SETD2: variants seen among roughly 807,000 people sequenced by gnomAD.
The protein encoded by SETD2 is histone-lysine N-methyltransferase SETD2.
In SETD2, 31 loss-of-function variants were observed where a neutral mutation model predicts 242.1. The ratio of observed to expected loss-of-function variants is 0.13; its 90% CI spans 0.10 to 0.17. SETD2 has a LOEUF of 0.17. Ranked by LOEUF, SETD2 falls within the 10% of genes least tolerant of loss-of-function variation. The pLI is 1.00. For synonymous variants in SETD2, 1,006 were observed against 1,066.5 expected (o/e 0.94, Z 1.11); for missense variants, 2,481 against 3,046.3 (o/e 0.81, Z 4.37).
intron 13 of SETD2, among the ~76,000 whole-genome samples, chr3:47,065,635 A>AAAAT (rs1214284429): frequency 2.6e-4 from 39 of 152,160 alleles, no homozygotes; most frequent in East Asian, 7.7e-4. Context: ...GTCTCTACAA[A>AAAAT]AAATAAATAA....
rs1234726555 is a variant in SETD2 at position 47,122,586 on chromosome 3, C to T, written c.2050G>A (p.Ala684Thr). The T allele has an allele frequency of 6.2e-7, 1 of 1,613,926 alleles. No homozygotes were observed. The highest frequency in any genetic ancestry group is 8.5e-7 in the Non-Finnish European group (1 of 1,179,998). Reference sequence around the variant, plus strand: ...TCAGTTTTAGAAGTGCAAAATGTTGCCAAATCAGATTCTGCCCCAGGAGAT... The same window carrying T: ...TCAGTTTTAGAAGTGCAAAATGTTGTCAAATCAGATTCTGCCCCAGGAGAT... The part of the protein sequence containing the change: ...NGSPGAESDL[A>T]TFCTSKTDAV... The change falls in exon 3 of 21, where the codon GCA (alanine) becomes ACA (threonine). Residue 684 changes from alanine to threonine, a missense_variant. This residue lies in a region of SETD2 where 1,300 missense variants were observed against 1,259.2 expected (regional missense o/e 1.03). Coordinates refer to ENST00000409792, the MANE Select transcript of SETD2 (RefSeq NM_014159.7).
intron 12 of SETD2, among the ~76,000 whole-genome samples, chr3:47,068,575 C>A (rs1364798738): frequency 1.4e-5 from 2 of 147,598 alleles, no homozygotes; most frequent in African/African-American, 5.0e-5. Context: ...CAGCTTACTG[C>A]AACCTCTGCC....
At chr3:47,101,427 A>G in intron 8 of SETD2, 31 bp downstream of exon 8, 1 of 1,327,716 alleles carries the variant, frequency 7.5e-7, no homozygotes. Context: ...TCCCCATCAG[A>G]AGCAGCAAAA....
intron 10 of SETD2, 76 bp downstream of exon 10, chr3:47,088,037 T>C (rs2107650268): frequency 7.2e-7 from 1 of 1,389,586 alleles, no homozygotes; most frequent in South Asian, 1.3e-5. Flanking sequence ...ATCAGAATTA[T>C]TCCTTCTTCA....
chr3:47,116,404 A>G (rs1429355538), intron 4 of SETD2, among the ~76,000 whole-genome samples: 1 of 152,232 alleles, frequency 6.6e-6, no homozygotes, highest in Admixed American at 6.5e-5. Context: ...CCAAGCACTT[A>G]AAACATGGTG....
rs2043195521 is a variant in SETD2 at position 47,123,516 on chromosome 3, C to G, written c.1120G>C (p.Asp374His). Residue 374 changes from aspartate to histidine, a missense_variant, in exon 3 of 21, where the codon GAT becomes CAT. Transcript: ENST00000409792. ...TTTGAATAGCTAAAATATTTATCAT[C>G]TCTGTCTGTTTTAGATCGTGAAGGT... ...GKPSRSKTDR[D>H]DKYFSYSKLE... 6.4e-7 allele frequency: 1 copy of G among 1,550,738 alleles called. No individual in the cohort carries two copies. The highest frequency in any genetic ancestry group is 1.2e-5 in the South Asian group (1 of 84,062).
intron 17 of SETD2, among the ~76,000 whole-genome samples, chr3:47,038,295 C>T (rs1277255587): frequency 7.2e-5 from 11 of 152,054 alleles, no homozygotes; most frequent in Admixed American, 7.2e-4. Flanking sequence ...TAATGACTGA[C>T]AAGAAAAATA....
intron 12 of SETD2, among the ~76,000 whole-genome samples, chr3:47,075,357 C>G (rs1007794001): frequency 2.6e-5 from 4 of 151,282 alleles, no homozygotes; most frequent in Non-Finnish European, 4.4e-5. Flanking sequence ...GTCGGGAGTT[C>G]GAGACCAGCC....
chr3:47,150,473 A>G (rs1370626795), intron 1 of SETD2, among the ~76,000 whole-genome samples: 2 of 152,194 alleles, frequency 1.3e-5, no homozygotes, highest in Non-Finnish European at 2.9e-5. Context: ...AGTCAACAGA[A>G]CAAGGGTAAA....
intron 8 of SETD2, chr3:47,098,406 A>G (rs2042086755): frequency 5.2e-6 from 1 of 190,544 alleles, no homozygotes; most frequent in African/African-American, 2.4e-5. Context: ...TTGCTTAAAT[A>G]GTTCAGAGAA....
At chr3:47,098,205 G>C in intron 8 of SETD2, 124 bp from the exon 9 acceptor site, 1 of 901,306 alleles carries the variant, frequency 1.1e-6, no homozygotes, top group Non-Finnish European at 1.6e-6. Flanking sequence ...ATAACTTGAA[G>C]AGATTCCAAC....
chr3:47,119,612 C>A, intron 3 of SETD2: 1 of 275,290 alleles, frequency 3.6e-6, no homozygotes, highest in South Asian at 3.4e-5. Flanking sequence ...CTCTTTTTCT[C>A]TTGCCACCAC....
At chr3:47,090,272 T>C (rs2041743740) in intron 9 of SETD2, among the ~76,000 whole-genome samples, 5 of 151,730 alleles carry the variant, frequency 3.3e-5, no homozygotes, top group African/African-American at 9.7e-5. Flanking sequence ...AACAAACAAA[T>C]AAAAGACTGG....
intron 18 of SETD2, among the ~76,000 whole-genome samples, chr3:47,027,360 A>G (rs1469387880): frequency 2.0e-5 from 3 of 150,158 alleles, no homozygotes; most frequent in Non-Finnish European, 3.0e-5. Context: ...AAAAAAAAAA[A>G]AGAGAACACA....
At chr3:47,030,154 A>G (rs1444640303) in intron 18 of SETD2, among the ~76,000 whole-genome samples, 1 of 152,188 alleles carries the variant, frequency 6.6e-6, no homozygotes, top group Non-Finnish European at 1.5e-5. Context: ...GTCTTGAAAA[A>G]AAATAAAATA....
chr3:47,124,665 T>A (rs1559751387), intron 2 of SETD2, 117 bp from the exon 3 acceptor site: 1 of 833,996 alleles, frequency 1.2e-6, no homozygotes, highest in Non-Finnish European at 1.8e-6. Flanking sequence ...ACAAATAGTA[T>A]GAATTTCACT....
intron 9 of SETD2, among the ~76,000 whole-genome samples, chr3:47,089,876 T>C (rs2041722577): frequency 1.3e-5 from 2 of 151,458 alleles, no homozygotes; most frequent in Non-Finnish European, 2.9e-5. Context: ...CAAAGGAAAA[T>C]AAGAAATCAT....
Position 47,083,950 on chromosome 3 carries a change from T to C in SETD2, c.5830A>G (p.Ile1944Val), listed in dbSNP as rs2041428665. The change falls in exon 12 of 21, where the codon ATA becomes GTA. Residue 1944 changes from isoleucine (I) to valine (V), a missense_variant. Transcript: ENST00000409792. ...PECKVDSETN[I>V]EASKLPTSEP... ...GATGTAGGTAGCTTACTAGCTTCTA[T>C]GTTGGTTTCACTATCAACTTTGCAT... 1.2e-6 allele frequency: 2 copies of C among 1,614,050 alleles called. No homozygotes were observed. Among genetic ancestry groups the C allele is most frequent in the Non-Finnish European group, 8.5e-7 (1 of 1,180,026 alleles).
intron 14 of SETD2, among the ~76,000 whole-genome samples, chr3:47,059,778 T>A (rs1325430813): frequency 6.6e-6 from 1 of 151,662 alleles, no homozygotes; most frequent in Non-Finnish European, 1.5e-5. Context: ...GTTACAAAAC[T>A]GTATGCATTT....
Sources: gnomAD v4.1 joint callset for allele counts (sites outside exome capture counted in the v4.1 genomes callset) on GRCh38, gnomAD v4.1.1 for gene constraint, gnomAD v4.1.1 regional missense constraint, MANE v1.5 for transcripts, NCBI Gene and HGNC (gene_info 2026-07-23, HGNC 2026-07-21) for gene names.